LRP8: variants seen among roughly 807,000 people sequenced by gnomAD.
LRP8 encodes the protein LDL receptor related protein 8, also known as low-density lipoprotein receptor-related protein 8.
A neutral mutation model predicts 111.6 loss-of-function variants in LRP8; 46 were observed. That is an observed-to-expected ratio of 0.41 (90% CI 0.33 to 0.53). The LOEUF is 0.53. LRP8 is among the 20% of genes least tolerant of loss of function. LRP8 has a pLI of 0.20. For synonymous variants in LRP8, 464 were observed against 511.2 expected, an observed-to-expected ratio of 0.91 and a Z score of 1.24; for missense variants, 959 against 1,297.4, an observed-to-expected ratio of 0.74 and a Z score of 4.01.
intron 2 of LRP8, among the ~76,000 whole-genome samples, chr1:53,320,077 T>C (rs776668419): frequency 6.6e-6 from 1 of 152,286 alleles, no homozygotes; most frequent in Non-Finnish European, 1.5e-5. Flanking sequence ...GCAGTCATGA[T>C]ACCTCAAGGC....
intron 12 of LRP8, 47 bp from the exon 13 acceptor site, chr1:53,260,652 A>G (rs750739700): frequency 3.1e-6 from 5 of 1,595,706 alleles, no homozygotes; most frequent in Non-Finnish European, 4.3e-6. Flanking sequence ...GTGTAAATCC[A>G]TGACCTCAGT....
intron 16 of LRP8, among the ~76,000 whole-genome samples, chr1:53,254,210 G>A (rs1462064687): frequency 6.6e-6 from 1 of 152,004 alleles, no homozygotes; most frequent in Admixed American, 6.6e-5. Flanking sequence ...GTGGTCATCA[G>A]GGTGGAAGAG....
chr1:53,323,297 G>A (rs1654748248), intron 2 of LRP8, among the ~76,000 whole-genome samples: 1 of 152,182 alleles, frequency 6.6e-6, no homozygotes, highest in Non-Finnish European at 1.5e-5. Flanking sequence ...TCATAGTGTT[G>A]CCCCATTTTA....
At chr1:53,297,444 C>T (rs1294199350) in intron 2 of LRP8, among the ~76,000 whole-genome samples, 4 of 152,300 alleles carry the variant, frequency 2.6e-5, no homozygotes, top group South Asian at 2.1e-4. Flanking sequence ...AGCCAGCACC[C>T]GCGTGTGGTG....
chr1:53,309,767 A>T (rs1652656479), intron 2 of LRP8, among the ~76,000 whole-genome samples: 1 of 152,112 alleles, frequency 6.6e-6, no homozygotes, highest in South Asian at 2.1e-4. Flanking sequence ...TGCTCTCAGG[A>T]TGGATTCCAC....
chr1:53,311,338 G>A (rs1652957926), intron 2 of LRP8, among the ~76,000 whole-genome samples: 2 of 152,120 alleles, frequency 1.3e-5, no homozygotes, highest in African/African-American at 4.8e-5. Flanking sequence ...GGCAGGTGGC[G>A]GGCTTACCCT....
Position 53,276,696 on chromosome 1 carries a change from GTCGGCC to G in LRP8, c.873_878del (p.Glu291_Ala292del). ...GGCGGTATGGAGGGGGCTTACGGCA[GTCGGCC>G]TCGTCCGATTTGTCTTTGCAGTCGC... On this transcript the variant is annotated inframe_deletion, in exon 5 of 19. Transcript: ENST00000306052. The G allele has an allele frequency of 6.5e-7, 1 of 1,539,256 alleles. No homozygotes were observed. The highest frequency in any genetic ancestry group is 8.7e-7 in the Non-Finnish European group (1 of 1,146,688).
Position 53,264,354 on chromosome 1 carries a change from G to T in LRP8, c.1470C>A (p.Val490=). 1.2e-6 allele frequency: 2 copies of T among 1,614,076 alleles called. No individual in the cohort carries two copies. The highest frequency in any genetic ancestry group is 1.7e-6 in the Non-Finnish European group (2 of 1,179,968). ...GAGAGTGCAACTGCTCGTCAATGAG[G>T]ACCTCCTGCTCTTTCGGGTCACTGG... ...DKASDPKEQE[V]LIDEQLHSPE... Residue 490 remains valine (V), a synonymous_variant, in exon 10 of 19, where the codon GTC becomes GTA. Transcript: ENST00000306052.
At chr1:53,321,852 C>G (rs1411080901) in intron 2 of LRP8, among the ~76,000 whole-genome samples, 1 of 152,156 alleles carries the variant, frequency 6.6e-6, no homozygotes, top group Non-Finnish European at 1.5e-5. Flanking sequence ...GCCTCTAGGA[C>G]CAGCACACAG....
intron 12 of LRP8, 67 bp from the exon 13 acceptor site, chr1:53,260,672 T>C (rs1646298663): frequency 6.5e-7 from 1 of 1,544,770 alleles, no homozygotes; most frequent in Admixed American, 1.7e-5. Context: ...TCTGAGGGGT[T>C]GGCCCCAAAC....
chr1:53,295,008 G>A (rs1388218626), intron 2 of LRP8, among the ~76,000 whole-genome samples: 1 of 152,188 alleles, frequency 6.6e-6, no homozygotes, highest in Non-Finnish European at 1.5e-5. Flanking sequence ...GGCCCCCTAC[G>A]TGGGTCTCCC....
At chr1:53,271,425 A>G in intron 6 of LRP8, 79 bp from the exon 7 acceptor site, 1 of 1,552,428 alleles carries the variant, frequency 6.4e-7, no homozygotes, top group South Asian at 1.1e-5. Context: ...CCTAGAGCAG[A>G]AGCAGAGCCT....
Position 53,302,057 on chromosome 1 carries a change from C to G in LRP8, c.245-12368G>C, listed in dbSNP as rs115213003. Reference sequence around the variant, plus strand: ...CATCTCCCTTGCCTGTGAGTAAGGTCTGCTGGAGGGAGAGGAGGCAGGCCT... The same window carrying G: ...CATCTCCCTTGCCTGTGAGTAAGGTGTGCTGGAGGGAGAGGAGGCAGGCCT... On this transcript the variant is annotated intron_variant, in intron 2 of 18. Transcript: ENST00000306052. Among the ~76,000 whole-genome samples, 781 of 152,170 alleles carry G rather than the reference C, an allele frequency of 5.1e-3. 6 individuals carry two copies. Among genetic ancestry groups the G allele is most frequent in the African/African-American group, 0.017 (718 of 41,526 alleles).
chr1:53,258,097 A>G (rs1646171698), intron 14 of LRP8: 3 of 392,800 alleles, frequency 7.6e-6, no homozygotes, highest in Admixed American at 4.1e-5. Flanking sequence ...TGTTTTATGT[A>G]TATGTGCATT....
Position 53,249,440 on chromosome 1 carries a change from C to A in LRP8, c.2793G>T (p.Arg931Ser). ...TCTTCGGGAGTTGGTGCAGCTGTGA[C>A]CTTGGTTCCCCCGGCAAGACAAAAA... ...KELFVLPGEP[R>S]SQLHQLPKNP... The change falls in exon 18 of 19, where the codon AGG becomes AGT. Residue 931 changes from arginine to serine, a missense_variant. Transcript: ENST00000306052. This position sits in a 1 kb window ranked among gnomAD's most constrained non-coding sequence, Gnocchi z 4.1. 4 of 1,614,224 alleles carry A rather than the reference C, an allele frequency of 2.5e-6. No homozygotes were observed. The highest frequency in any genetic ancestry group is 2.5e-6 in the Non-Finnish European group (3 of 1,180,036).
At chr1:53,277,206 T>G in intron 4 of LRP8, 128 bp from the exon 5 acceptor site, 1 of 1,286,496 alleles carries the variant, frequency 7.8e-7, no homozygotes, top group Non-Finnish European at 1.0e-6. Context: ...GGGGGCTGAA[T>G]GGTGGACGTG....
Position 53,244,015 on chromosome 1 carries a change from A to G in LRP8, c.*3003T>C, listed in dbSNP as rs1375566107. The G allele has an allele frequency of 2.0e-5, 3 of 152,248 alleles. No homozygotes were observed. The highest frequency in any genetic ancestry group is 4.4e-5 in the Non-Finnish European group (3 of 68,044). 9.4% of individuals were successfully genotyped at this position (152,248 alleles called of 1,614,324 possible). A position where few individuals can be genotyped will look rare whatever the true frequency, so the allele number is the denominator to read the frequency against. On this transcript the variant is annotated 3_prime_UTR_variant, in exon 19 of 19. Transcript: ENST00000306052. ...AATATACTGCAGTCATACTGAGATA[A>G]CTGGAGGGATCAATAGGACTTACTG...
intron 2 of LRP8, among the ~76,000 whole-genome samples, chr1:53,326,129 CAT>C (rs1396716585): frequency 6.6e-6 from 1 of 152,258 alleles, no homozygotes; most frequent in Non-Finnish European, 1.5e-5. Flanking sequence ...TGGTGTGCCA[CAT>C]GACTCAGAGC....
intron 3 of LRP8, among the ~76,000 whole-genome samples, chr1:53,283,278 C>T (rs1244364490): frequency 6.6e-6 from 1 of 152,070 alleles, no homozygotes; most frequent in Admixed American, 6.5e-5. Context: ...ACGGAAACTG[C>T]CGGTGCCTTG....
Sources: gnomAD v4.1 joint callset for allele counts (sites outside exome capture counted in the v4.1 genomes callset) on GRCh38, gnomAD v4.1.1 for gene constraint, Gnocchi (gnomAD v3.1) non-coding constraint, MANE v1.5 for transcripts, NCBI Gene and HGNC (gene_info 2026-07-23, HGNC 2026-07-21) for gene names.